SLC19A3: variants seen among roughly 807,000 people sequenced by gnomAD.
SLC19A3 encodes thiamine transporter 2.
Under a neutral mutation model 40.2 loss-of-function variants are expected in SLC19A3, and 31 were observed. The observed-to-expected ratio is 0.77, with a 90% CI of 0.58 to 1.04. The LOEUF is 1.04. Among genes scored for constraint, SLC19A3 ranks in the 50% least tolerant of loss-of-function variants. The pLI, the probability that SLC19A3 is intolerant of heterozygous loss-of-function variation, is 0.00. For missense variants in SLC19A3, 592 were observed against 596.7 expected (o/e 0.99, Z 0.08); for synonymous variants, 212 against 227.5 (o/e 0.93, Z 0.61).
At chr2:227,695,142 A>G (rs1695376057) in intron 4 of SLC19A3, among the ~76,000 whole-genome samples, 1 of 152,222 alleles carries the variant, frequency 6.6e-6, no homozygotes, top group Non-Finnish European at 1.5e-5. Flanking sequence ...TTTTTTTAGT[A>G]TCCAACTTTT....
chr2:227,714,468 C>T (rs1696258787), intron 1 of SLC19A3: 7 of 985,228 alleles, frequency 7.1e-6, no homozygotes, highest in Non-Finnish European at 7.2e-6. Context: ...TCTGTGCCCC[C>T]AGTTTCTTTC....
rs189724043 is a variant in SLC19A3, at chr2:227,703,672, G to A, written c.-2-1352C>T. Among the ~76,000 whole-genome samples, 1 of 152,146 alleles carries A rather than the reference G, an allele frequency of 6.6e-6. No individual in the cohort carries two copies. The highest frequency in any genetic ancestry group is 1.9e-4 in the East Asian group (1 of 5,194). On this transcript the variant is annotated intron_variant, in intron 1 of 5. Transcript: ENST00000644224. The surrounding 1 kb of genome is among the most constrained non-coding windows in gnomAD (Gnocchi z 4.7). ...GCTGCTGGGTTTGCTGGTGCTTTCT[G>A]TCTTCGTTGTTAATGATCTTATAGA...
In SLC19A3 at chr2:227,686,181, A is replaced by G. The variant is rs530648356; in HGVS notation, c.*1216T>C. On this transcript the variant is annotated 3_prime_UTR_variant, in exon 6 of 6. Transcript: ENST00000644224. Reference sequence around the variant, plus strand: ...CATTGCATTCCAGCCTGGGTGAGAGAGCGAGACTGTCTCAAAAACCAAAAC... The same window carrying G: ...CATTGCATTCCAGCCTGGGTGAGAGGGCGAGACTGTCTCAAAAACCAAAAC... 1.1e-4 allele frequency: 48 copies of G among 440,934 alleles called. No homozygotes were observed. The highest frequency in any genetic ancestry group is 9.3e-4 in the African/African-American group (46 of 49,502). The allele number at this position is 440,934 out of a possible 1,614,324, so 27.3% of individuals were successfully genotyped here.
chr2:227,687,687 T>C, intron 5 of SLC19A3, 114 bp from the exon 6 acceptor site: 1 of 996,310 alleles, frequency 1.0e-6, no homozygotes, highest in East Asian at 2.6e-5. Flanking sequence ...ACCCAGGTTT[T>C]TAATATGGGT....
At chr2:227,713,364 T>C (rs1037718000) in intron 1 of SLC19A3, among the ~76,000 whole-genome samples, 1 of 146,056 alleles carries the variant, frequency 6.8e-6, no homozygotes, top group African/African-American at 2.5e-5. Context: ...ATTGCACCAT[T>C]GCATTCCAGG....
chr2:227,713,084 ATC>A (rs1696195931), intron 1 of SLC19A3, among the ~76,000 whole-genome samples: 2 of 152,186 alleles, frequency 1.3e-5, no homozygotes, highest in South Asian at 4.1e-4. Context: ...GGGTTTGAAT[ATC>A]TGTCCTCTTC....
At chr2:227,716,082 T>G (rs973203380) in intron 1 of SLC19A3, among the ~76,000 whole-genome samples, 4 of 152,090 alleles carry the variant, frequency 2.6e-5, no homozygotes, top group Non-Finnish European at 4.4e-5. Flanking sequence ...GAAGGTGGTG[T>G]TGTAGGGAAA....
At position 227,699,380 on chromosome 2, in the gene SLC19A3, A is replaced by G. The variant is rs200971390; in HGVS notation, c.335T>C (p.Phe112Ser). Reference protein sequence around the residue: ...GVKTMQVVEFFYGMVTAAEVA... With the variant: ...GVKTMQVVEFSYGMVTAAEVA... ...CTCGGCGGCGGTGACCATCCCATAG[A>G]AGAACTCTACAACCTGCATGGTCTT... Residue 112 changes from phenylalanine to serine, a missense_variant, in exon 3 of 6, where the codon TTC becomes TCC. Transcript: ENST00000644224. 61 of 1,614,116 alleles carry G rather than the reference A, an allele frequency of 3.8e-5. No homozygotes were observed. The East Asian group carries it at 1.2e-3, about 31-fold the overall frequency.
intron 1 of SLC19A3, among the ~76,000 whole-genome samples, chr2:227,710,210 A>G (rs144468097): frequency 6.6e-6 from 1 of 152,030 alleles, no homozygotes; most frequent in East Asian, 1.9e-4. Context: ...CTCTCCACCT[A>G]CTTCCTGCCC....
At chr2:227,705,076 C>A (rs1350880650) in intron 1 of SLC19A3, among the ~76,000 whole-genome samples, 2 of 151,902 alleles carry the variant, frequency 1.3e-5, no homozygotes, top group African/African-American at 2.4e-5. Context: ...TGGGGTTTTG[C>A]CATGTTGGCC....
chr2:227,714,609 C>G (rs2106344591), intron 1 of SLC19A3: 1 of 980,868 alleles, frequency 1.0e-6, no homozygotes, highest in Non-Finnish European at 1.2e-6. Context: ...CTGCCAAGAG[C>G]AATAGCTTTA....
chr2:227,714,328 C>T lies in SLC19A3; in HGVS notation c.-3+3615G>A, dbSNP rs1194645960. The stretch of plus-strand genomic sequence containing the variant: ...GAACATTTCTGATGAAAACAGTGCC[C>T]GTAACGCAAAGCTAGGACAGGGCAA... On this transcript the variant is annotated intron_variant, in intron 1 of 5. Transcript: ENST00000644224. 1.1e-5 allele frequency: 7 copies of T among 660,634 alleles called. No individual in the cohort carries two copies. The East Asian group carries it at 4.1e-4, about 38-fold the overall frequency. The allele number at this position is 660,634 out of a possible 1,614,324, so 40.9% of individuals were successfully genotyped here. A position where few individuals can be genotyped will look rare whatever the true frequency, so the allele number is the denominator to read the frequency against.
In SLC19A3 at chr2:227,699,158, A is replaced by G. The variant is rs116533505; in HGVS notation, c.557T>C (p.Phe186Ser). 4.0e-5 allele frequency: 64 copies of G among 1,614,154 alleles called. No individual in the cohort carries two copies. In the African/African-American group the frequency reaches 7.5e-4, roughly 19 times the overall value. Residue 186 changes from phenylalanine (F) to serine (S), a missense_variant, in exon 3 of 6, where the codon TTC (phenylalanine) becomes TCC (serine). Transcript: ENST00000644224. ...CTTGGGCATTGGTAGGAAAAGTGAGAAAAGGAAAGCCACGGAGACAGAGGC... is the reference window on the plus strand; with the variant it reads ...CTTGGGCATTGGTAGGAAAAGTGAGGAAAGGAAAGCCACGGAGACAGAGGC... ...SLASVSVAFL[F>S]SLFLPMPKKS...
chr2:227,708,018 C>T (rs970771234), intron 1 of SLC19A3, among the ~76,000 whole-genome samples: 7 of 152,134 alleles, frequency 4.6e-5, no homozygotes, highest in African/African-American at 7.2e-5. Flanking sequence ...TGTGAGCCAC[C>T]GCGCCCAGCC....
At position 227,715,287 on chromosome 2, in the gene SLC19A3, TG is replaced by T. The variant is rs1696295341; in HGVS notation, c.-3+2655del. ...AAAAAATCTTTGCTGAAATAAAGCATGCCACACAACTTCCAAAGACGTAAAC... is the reference window on the plus strand; with the variant it reads ...AAAAAATCTTTGCTGAAATAAAGCATCCACACAACTTCCAAAGACGTAAAC... On this transcript the variant is annotated intron_variant, in intron 1 of 5. Coordinates refer to ENST00000644224, the MANE Select transcript of SLC19A3 (RefSeq NM_025243.4). Among the ~76,000 whole-genome samples the T allele has an allele frequency of 2.0e-5, 3 of 152,098 alleles. 1 individual carries two copies. Among genetic ancestry groups the T allele is most frequent in the Admixed American group, 1.3e-4 (2 of 15,264 alleles).
Position 227,702,274 on chromosome 2 carries a change from G to A in SLC19A3, c.45C>T (p.Pro15=). ...RTSLSSSWIY[P]TVILCLFGFF... ...AACCAAATAAGCAGAGGATCACAGT[G>A]GGGTAAATCCAGGAACTGCTTAGTG... is the stretch of plus-strand genomic sequence containing the variant. Residue 15 remains proline, a synonymous_variant, in exon 2 of 6, where the codon CCC becomes CCT. Coordinates refer to ENST00000644224, the MANE Select transcript of SLC19A3 (RefSeq NM_025243.4). The A allele has an allele frequency of 6.2e-7, 1 of 1,613,956 alleles. No individual in the cohort carries two copies. Among genetic ancestry groups the A allele is most frequent in the Non-Finnish European group, 8.5e-7 (1 of 1,179,848 alleles).
intron 4 of SLC19A3, among the ~76,000 whole-genome samples, chr2:227,693,846 A>G (rs913726728): frequency 3.9e-5 from 6 of 152,134 alleles, no homozygotes; most frequent in African/African-American, 1.4e-4. Flanking sequence ...AAAAACCAGA[A>G]TATATAAGGA....
At position 227,686,093 on chromosome 2, in the gene SLC19A3, A is replaced by G; in HGVS notation, c.*1304T>C. On this transcript the variant is annotated 3_prime_UTR_variant, in exon 6 of 6. Coordinates refer to ENST00000644224, the MANE Select transcript of SLC19A3 (RefSeq NM_025243.4). ...GCACCCATAGTCCCAGCTACTTGGG[A>G]GGCTGAGGTAGGAGAATGGCTTGAA... 1 of 441,996 alleles carries G rather than the reference A, an allele frequency of 2.3e-6. No homozygotes were observed. Among genetic ancestry groups the G allele is most frequent in the Non-Finnish European group, 4.5e-6 (1 of 220,270 alleles). The allele number at this position is 441,996 out of a possible 1,614,324, so 27.4% of individuals were successfully genotyped here.
chr2:227,716,711 G>A (rs1027243657), intron 1 of SLC19A3, among the ~76,000 whole-genome samples: 1 of 152,028 alleles, frequency 6.6e-6, no homozygotes. Context: ...ATGTTGCAGG[G>A]TGGGTAATCA....
Sources: gnomAD v4.1 joint callset for allele counts (sites outside exome capture counted in the v4.1 genomes callset) on GRCh38, gnomAD v4.1.1 for gene constraint, Gnocchi (gnomAD v3.1) non-coding constraint, MANE v1.5 for transcripts, NCBI Gene and HGNC (gene_info 2026-07-23, HGNC 2026-07-21) for gene names.